Variants in COBLL1 observed in about 807,000 individuals in gnomAD.
COBLL1 encodes cordon-bleu protein-like 1.
In COBLL1, 50 loss-of-function variants were observed where a neutral mutation model predicts 94.8. The ratio of observed to expected loss-of-function variants is 0.53; its 90% CI spans 0.42 to 0.67. The LOEUF is 0.67. COBLL1 is among the 30% of genes least tolerant of loss of function. The pLI, the probability that COBLL1 is intolerant of heterozygous loss-of-function variation, is 0.00. For synonymous variants in COBLL1, 448 were observed against 473.8 expected, an observed-to-expected ratio of 0.95 and a Z score of 0.71; for missense variants, 1,362 against 1,348.7, an observed-to-expected ratio of 1.01 and a Z score of -0.15.
chr2:164,667,374 ACCAGTTCCATTAGCC>A, intron 1 of COBLL1, among the ~76,000 whole-genome samples: 1 of 152,172 alleles, frequency 6.6e-6, no homozygotes, highest in Non-Finnish European at 1.5e-5. Flanking sequence ...ACTTAAAGTC[ACCAGTTCCATTAGCC>A]CCTAACAAGA....
intron 2 of COBLL1, among the ~76,000 whole-genome samples, chr2:164,839,168 G>C (rs1381013817): frequency 6.6e-6 from 1 of 152,196 alleles, no homozygotes; most frequent in Non-Finnish European, 1.5e-5. Flanking sequence ...TTTTAGATAA[G>C]GTGTTGACAG....
At chr2:164,690,651 A>G (rs1469493040) in intron 13 of COBLL1, among the ~76,000 whole-genome samples, 1 of 152,204 alleles carries the variant, frequency 6.6e-6, no homozygotes. Flanking sequence ...CATCGCAATC[A>G]GTTTCTGTGT....
chr2:164,683,710 C>T lies in COBLL1; in HGVS notation c.*2236G>A, dbSNP rs1448289775. 6.6e-6 allele frequency: 1 copy of T among 152,076 alleles called. No homozygotes were observed. Among genetic ancestry groups the T allele is most frequent in the African/African-American group, 2.4e-5 (1 of 41,420 alleles). 9.4% of individuals were successfully genotyped at this position (152,076 alleles called of 1,614,324 possible). A position where few individuals can be genotyped will look rare whatever the true frequency, so the allele number is the denominator to read the frequency against. ...TATAGTATCATTTTTTATATTTATA[C>T]TTTATGTAACTAATTTCATAAAACA... On this transcript the variant is annotated 3_prime_UTR_variant, in exon 14 of 14. Coordinates refer to ENST00000652658, the MANE Select transcript of COBLL1 (RefSeq NM_001365672.2).
chr2:164,805,538 C>CT (rs1225547058), intron 2 of COBLL1, among the ~76,000 whole-genome samples: 1 of 143,748 alleles, frequency 7.0e-6, no homozygotes, highest in East Asian at 2.0e-4. Context: ...AGCAATTCAT[C>CT]TTTTTGCTGT....
chr2:164,818,267 C>T (rs375191577), intron 2 of COBLL1, among the ~76,000 whole-genome samples: 13 of 102,292 alleles, frequency 1.3e-4, no homozygotes, highest in African/African-American at 3.9e-4. Context: ...CACATATACA[C>T]GTATGTATGT....
Position 164,695,529 on chromosome 2 carries a change from A to G in COBLL1, c.1863T>C (p.Asn621=). Residue 621 remains asparagine (N), a synonymous_variant, in exon 12 of 14, where the codon AAT becomes AAC. Coordinates refer to ENST00000652658, the MANE Select transcript of COBLL1 (RefSeq NM_001365672.2). The part of the protein sequence containing the change: ...NSFDGKHQDH[N]LSDSKVEECV... ...ATTCTTCAACTTTGGAGTCAGATAA[A>G]TTATGATCTTGGTGTTTCCCATCAA... The G allele has an allele frequency of 6.2e-7, 1 of 1,613,984 alleles. No homozygotes were observed. Among genetic ancestry groups the G allele is most frequent in the Non-Finnish European group, 8.5e-7 (1 of 1,179,920 alleles).
chr2:164,724,125 T>C (rs948357715), intron 5 of COBLL1: 2 of 152,212 alleles, frequency 1.3e-5, no homozygotes, highest in African/African-American at 2.4e-5. Flanking sequence ...ATTCGACTTA[T>C]GTAGCAGTCA....
At chr2:164,721,249 T>A (rs1685428048) in intron 7 of COBLL1, among the ~76,000 whole-genome samples, 1 of 152,174 alleles carries the variant, frequency 6.6e-6, no homozygotes, top group African/African-American at 2.4e-5. Context: ...GTCTCAATTA[T>A]CTCCAAATAA....
chr2:164,705,877 T>TA (rs1014839060), intron 7 of COBLL1, among the ~76,000 whole-genome samples: 2 of 151,850 alleles, frequency 1.3e-5, no homozygotes, highest in African/African-American at 4.8e-5. Context: ...CTACTAAAAA[T>TA]AAAAAAATTA....
intron 9 of COBLL1, 59 bp downstream of exon 9, chr2:164,704,385 T>C: frequency 8.8e-7 from 1 of 1,138,848 alleles, no homozygotes; most frequent in South Asian, 1.3e-5. Flanking sequence ...GACTCATTTC[T>C]CAATTATCAT....
chr2:164,765,942 C>T (rs200177420), intron 2 of COBLL1, among the ~76,000 whole-genome samples: 1 of 151,874 alleles, frequency 6.6e-6, no homozygotes, highest in Non-Finnish European at 1.5e-5. Flanking sequence ...TTTCTAATAT[C>T]TCTGCTCTAA....
chr2:164,791,479 T>C (rs935397152), intron 2 of COBLL1, among the ~76,000 whole-genome samples: 11 of 151,712 alleles, frequency 7.3e-5, no homozygotes, highest in Admixed American at 3.3e-4. Context: ...ATCAGATAGA[T>C]AGACAGACAG....
intron 3 of COBLL1, among the ~76,000 whole-genome samples, chr2:164,737,852 G>A (rs1686393100): frequency 6.6e-6 from 1 of 152,118 alleles, no homozygotes; most frequent in Non-Finnish European, 1.5e-5. Flanking sequence ...CCTATGCCAG[G>A]CAAAACCGCG....
At chr2:164,731,445 T>G (rs1574486800) in intron 3 of COBLL1, among the ~76,000 whole-genome samples, 1 of 152,316 alleles carries the variant, frequency 6.6e-6, no homozygotes, top group East Asian at 1.9e-4. Flanking sequence ...ATATTTTCAT[T>G]CATATCACTG....
chr2:164,698,717 A>T (rs1684080178), intron 11 of COBLL1, among the ~76,000 whole-genome samples: 4 of 151,980 alleles, frequency 2.6e-5, no homozygotes. Flanking sequence ...TGCCTAATTC[A>T]GTTGAGGAAT....
At chr2:164,763,062 T>C (rs1687763974) in intron 2 of COBLL1, among the ~76,000 whole-genome samples, 1 of 152,154 alleles carries the variant, frequency 6.6e-6, no homozygotes. Flanking sequence ...TGTTTACATA[T>C]AATCTATGAG....
Position 164,817,376 on chromosome 2 carries a change from AAAG to A in COBLL1, c.41+23777_41+23779del, listed in dbSNP as rs1332420778. Reference sequence around the variant, plus strand: ...TGGTATATATTAAAAAAAAAAAAAAAAAGAAGAAGAAGAAGGACTTAGAACAAC... The same window carrying A: ...TGGTATATATTAAAAAAAAAAAAAAAAAGAAGAAGAAGGACTTAGAACAAC... On this transcript the variant is annotated intron_variant, in intron 2 of 13. Coordinates refer to ENST00000652658, the MANE Select transcript of COBLL1 (RefSeq NM_001365672.2). Among the ~76,000 whole-genome samples, 1,423 of 146,208 alleles carry A rather than the reference AAAG, an allele frequency of 9.7e-3. 13 individuals are homozygous for A. The highest frequency in any genetic ancestry group is 0.019 in the African/African-American group (760 of 39,438).
At chr2:164,807,305 TAGTC>T (rs1277497369) in intron 2 of COBLL1, among the ~76,000 whole-genome samples, 4 of 151,258 alleles carry the variant, frequency 2.6e-5, no homozygotes, top group Admixed American at 1.3e-4. Context: ...AAAAAAAAAT[TAGTC>T]AGGCACGGCA....
chr2:164,836,576 T>G (rs1471905444), intron 2 of COBLL1, among the ~76,000 whole-genome samples: 3 of 152,340 alleles, frequency 2.0e-5, no homozygotes, highest in East Asian at 3.9e-4. Flanking sequence ...AATTAAGCTC[T>G]CTGATCCTCA....
Sources: allele counts gnomAD v4.1 joint callset (sites outside exome capture counted in the v4.1 genomes callset), GRCh38; gene constraint gnomAD v4.1.1; transcripts MANE v1.5; gene names NCBI Gene and HGNC (gene_info 2026-07-23, HGNC 2026-07-21).